The following RAB11FIP5 variants were observed in gnomAD, a reference collection of about 807,000 sequenced individuals.
RAB11FIP5 encodes rab11 family-interacting protein 5.
In RAB11FIP5, 48 loss-of-function variants were observed where a neutral mutation model predicts 85.1. The ratio of observed to expected loss-of-function variants is 0.56; its 90% confidence interval spans 0.45 to 0.72. The LOEUF (loss-of-function observed/expected upper bound fraction) is 0.72. Among genes scored for constraint, RAB11FIP5 ranks in the 30% least tolerant of loss-of-function variants. The pLI is 0.00. For missense variants in RAB11FIP5, 1,491 were observed against 1,687.0 expected (o/e 0.88, Z 2.04); for synonymous variants, 729 against 727.3 (o/e 1.00, Z -0.04).
At position 73,073,410 on chromosome 2, in the gene RAB11FIP5, A is replaced by G. The variant is rs1382130301; in HGVS notation, c.*2111T>C. 1 of 152,690 alleles carries G rather than the reference A, an allele frequency of 6.5e-6. No homozygotes were observed. Among genetic ancestry groups the G allele is most frequent in the East Asian group, 1.9e-4 (1 of 5,200 alleles). 9.5% of individuals were successfully genotyped at this position (152,690 alleles called of 1,614,324 possible). On this transcript the variant is annotated 3_prime_UTR_variant, in exon 6 of 6. Transcript: ENST00000486777. ...AGTACATGAATGTTTTATTCTTCATAAAGTGCTTAAAACATGAAGAACAAG... is the reference window on the plus strand; with the variant it reads ...AGTACATGAATGTTTTATTCTTCATGAAGTGCTTAAAACATGAAGAACAAG...
rs1030617270 is a variant in RAB11FIP5 at position 73,093,892 on chromosome 2, G to A, written c.432-4577C>T. 6.6e-5 allele frequency among the ~76,000 whole-genome samples: 10 copies of A among 152,144 alleles called. No homozygotes were observed. In the East Asian group the frequency reaches 7.7e-4, roughly 12 times the overall value. ...TCCCAGCACTTTGGGAGGCCAAGGC[G>A]GGCAGATCACTTGAGGCCAGGAGTT... On this transcript the variant is annotated intron_variant, in intron 1 of 5. Transcript: ENST00000486777.
At position 73,080,839 on chromosome 2, in the gene RAB11FIP5, C is replaced by T; in HGVS notation, c.2393G>A (p.Trp798Ter). 1.6e-6 allele frequency: 2 copies of T among 1,232,528 alleles called. No individual in the cohort carries two copies. The highest frequency in any genetic ancestry group is 8.2e-5 in the South Asian group (2 of 24,324). 76.3% of individuals were successfully genotyped at this position (1,232,528 alleles called of 1,614,324 possible). Residue 798 changes from tryptophan (W) to a stop codon, truncating the protein, a stop_gained, in exon 4 of 6, where the codon TGG becomes TAG. Coordinates refer to ENST00000486777, the MANE Select transcript of RAB11FIP5 (RefSeq NM_001371272.1). LOFTEE classifies it high-confidence loss of function. The stretch of plus-strand genomic sequence containing the variant: ...GCTCTCTGGGCCCGGCAGCCTCTCC[C>T]ACACACTGATCACTTCTGGGGAGCT... ...LFSSPEVISV[W>*]ERLPGPESAA...
At chr2:73,094,120 CAAAAAAAAA>C (rs550613252) in intron 1 of RAB11FIP5, among the ~76,000 whole-genome samples, 2 of 84,656 alleles carry the variant, frequency 2.4e-5, no homozygotes, top group Non-Finnish European at 5.6e-5. Flanking sequence ...GACTTTGTCT[CAAAAAAAAA>C]AAAAAAAAAA....
rs971457438 is a variant in RAB11FIP5, at chr2:73,093,222, T to C, written c.432-3907A>G. Among the ~76,000 whole-genome samples the C allele has an allele frequency of 4.6e-5, 7 of 152,204 alleles. No individual in the cohort carries two copies. In the South Asian group the frequency reaches 1.0e-3, roughly 22 times the overall value. On this transcript the variant is annotated intron_variant, in intron 1 of 5. Coordinates refer to ENST00000486777, the MANE Select transcript of RAB11FIP5 (RefSeq NM_001371272.1). ...GAGACTGAAGCCCCCACGGGGAATA[T>C]GACAGCAGGGTCCTATGACCTAGTT...
chr2:73,104,087 G>C (rs1298248896), intron 1 of RAB11FIP5, among the ~76,000 whole-genome samples: 1 of 152,168 alleles, frequency 6.6e-6, no homozygotes, highest in African/African-American at 2.4e-5. Context: ...TTGCATTTGG[G>C]AACAAGGAGG....
rs573268788 is a variant in RAB11FIP5, at chr2:73,112,122, C to T, written c.431+225G>A. On this transcript the variant is annotated intron_variant, in intron 1 of 5. Transcript: ENST00000486777. ...TAACGTTCGCCACCACTTAAACCTC[C>T]CCCAGGCCTCCCAGGGACCACCAGT... Among the ~76,000 whole-genome samples, 6 of 152,330 alleles carry T rather than the reference C, an allele frequency of 3.9e-5. No homozygotes were observed. In the East Asian group the frequency reaches 9.7e-4, roughly 25 times the overall value.
At chr2:73,101,049 G>T (rs973376458) in intron 1 of RAB11FIP5, among the ~76,000 whole-genome samples, 3 of 137,412 alleles carry the variant, frequency 2.2e-5, no homozygotes, top group South Asian at 2.7e-4. Flanking sequence ...GGGTGGGGGG[G>T]ATTTGGAATG....
At chr2:73,108,322 C>G (rs1031136701) in intron 1 of RAB11FIP5, among the ~76,000 whole-genome samples, 2 of 152,194 alleles carry the variant, frequency 1.3e-5, no homozygotes, top group African/African-American at 4.8e-5. Flanking sequence ...TCCAACAGGC[C>G]CAGGATGACG....
chr2:73,112,217 C>A, intron 1 of RAB11FIP5, 130 bp downstream of exon 1: 1 of 1,097,098 alleles, frequency 9.1e-7, no homozygotes, highest in East Asian at 3.2e-5. Flanking sequence ...ACCAACGTTT[C>A]TGTCGGTTTA....
chr2:73,112,917 C>T lies in RAB11FIP5; in HGVS notation c.-140G>A. ...GCGGGCTGGGCTGGGCCGGGCCGAC[C>T]GGCCGCCGCCTCCCCGCCTCACCGG... On this transcript the variant is annotated 5_prime_UTR_variant, in exon 1 of 6. Coordinates refer to ENST00000486777, the MANE Select transcript of RAB11FIP5 (RefSeq NM_001371272.1). 1 of 715,762 alleles carries T rather than the reference C, an allele frequency of 1.4e-6. No homozygotes were observed. Among genetic ancestry groups the T allele is most frequent in the Admixed American group, 4.7e-5 (1 of 21,086 alleles). The allele number at this position is 715,762 out of a possible 1,614,324, so 44.3% of individuals were successfully genotyped here. A position where few individuals can be genotyped will look rare whatever the true frequency, so the allele number is the denominator to read the frequency against.
rs765022624 is a variant in RAB11FIP5, at chr2:73,112,740, G to C, written c.38C>G (p.Pro13Arg). 62 of 1,498,230 alleles carry C rather than the reference G, an allele frequency of 4.1e-5. No individual in the cohort carries two copies. The highest frequency in any genetic ancestry group is 1.2e-5 in the Non-Finnish European group (14 of 1,126,644). The allele number at this position is 1,498,230 out of a possible 1,614,324, so 92.8% of individuals were successfully genotyped here. A position where few individuals can be genotyped will look rare whatever the true frequency, so the allele number is the denominator to read the frequency against. ...GACGTGCGTGGGCAGCCAGCGGGAA[G>C]GCCCCGCCGCCGGCTCCGCGCCCCG... ...LVRGAEPAAG[P>R]SRWLPTHVQV... is the part of the protein sequence containing the mutation. Residue 13 changes from proline (P) to arginine (R), a missense_variant, in exon 1 of 6, where the codon CCT (proline) becomes CGT (arginine). Physicochemically the swap from Pro to Arg is moderately radical, Grantham distance 103. Coordinates refer to ENST00000486777, the MANE Select transcript of RAB11FIP5 (RefSeq NM_001371272.1).
intron 1 of RAB11FIP5, among the ~76,000 whole-genome samples, chr2:73,108,558 C>T (rs576513438): frequency 6.3e-4 from 96 of 152,320 alleles, no homozygotes; most frequent in Admixed American, 4.0e-3. Context: ...CTGCTGCTTC[C>T]TTCCTTCCCT....
In RAB11FIP5 at chr2:73,112,871, ACT is replaced by A. The variant is rs1684699005; in HGVS notation, c.-96_-95del. 8.7e-7 allele frequency: 1 copy of A among 1,151,610 alleles called. No homozygotes were observed. Among genetic ancestry groups the A allele is most frequent in the African/African-American group, 1.6e-5 (1 of 60,986 alleles). The allele number at this position is 1,151,610 out of a possible 1,614,324, so 71.3% of individuals were successfully genotyped here. Reference sequence around the variant, plus strand: ...CGCGGCAGAAGGCGGTCAGGAACCAACTCTGAGCGCCGCCGCAGCTGCGGGCT... The same window carrying A: ...CGCGGCAGAAGGCGGTCAGGAACCAACTGAGCGCCGCCGCAGCTGCGGGCT... On this transcript the variant is annotated 5_prime_UTR_variant, in exon 1 of 6. Transcript: ENST00000486777.
At chr2:73,076,887 A>G (rs1683874597) in intron 4 of RAB11FIP5, among the ~76,000 whole-genome samples, 3 of 152,128 alleles carry the variant, frequency 2.0e-5, no homozygotes. Flanking sequence ...CCGGCCCACC[A>G]CAAGTGGACT....
Position 73,088,666 on chromosome 2 carries a change from G to A in RAB11FIP5, c.952C>T (p.Pro318Ser), listed in dbSNP as rs572410946. The A allele has an allele frequency of 2.4e-5, 39 of 1,613,174 alleles. No homozygotes were observed. Among genetic ancestry groups the A allele is most frequent in the South Asian group, 3.3e-5 (3 of 91,078 alleles). Residue 318 changes from proline (P) to serine (S), a missense_variant, in exon 3 of 6, where the codon CCT (proline) becomes TCT (serine). By Grantham distance (74) the Pro-to-Ser change is moderately conservative (BLOSUM62 -1). Around this residue, in one of 3 missense-constraint regions of RAB11FIP5, gnomAD observed 1,211 missense variants for 1,338.0 expected, o/e 0.91. Coordinates refer to ENST00000486777, the MANE Select transcript of RAB11FIP5 (RefSeq NM_001371272.1). ...DEANQMRVAP[P>S]RALLDLQGHL... ...CCCTGAAGGTCCAGAAGGGCCCGAG[G>A]AGGAGCCACTCGCATCTGGTTGGCC...
chr2:73,112,499 C>A lies in RAB11FIP5; in HGVS notation c.279G>T (p.Ala93=). The part of the protein sequence containing the change: ...DGLLRAQEAD[A]GPAPWAASSA... ...AGCTCGCGGCCCAGGGCGCCGGGCC[C>A]GCGTCGGCCTCCTGCGCCCGCAGCA... Residue 93 remains alanine, a synonymous_variant, in exon 1 of 6, where the codon GCG becomes GCT. Transcript: ENST00000486777. The A allele has an allele frequency of 6.7e-7, 1 of 1,493,588 alleles. No individual in the cohort carries two copies. Among genetic ancestry groups the A allele is most frequent in the East Asian group, 2.7e-5 (1 of 36,404 alleles). 92.5% of individuals were successfully genotyped at this position (1,493,588 alleles called of 1,614,324 possible). A position where few individuals can be genotyped will look rare whatever the true frequency, so the allele number is the denominator to read the frequency against.
rs745565948 is a variant in RAB11FIP5 at position 73,112,367 on chromosome 2, T to A, written c.411A>T (p.Ala137=). 6.3e-7 allele frequency: 1 copy of A among 1,594,090 alleles called. No individual in the cohort carries two copies. The highest frequency in any genetic ancestry group is 8.5e-7 in the Non-Finnish European group (1 of 1,175,122). Residue 137 remains alanine, a synonymous_variant, in exon 1 of 6, where the codon GCA becomes GCT. Transcript: ENST00000486777. ...ATVALDEVFG[A]GRAQHTQWYK... ...CTCACTGCGTGTGCTGGGCGCGGCC[T>A]GCGCCGAAGACCTCGTCCAGCGCCA... is the stretch of plus-strand genomic sequence containing the variant.
Position 73,081,801 on chromosome 2 carries a change from G to A in RAB11FIP5, c.1569-138C>T. ...GGCTGGATTTACCTACTTGGGCCAGGGTACAGAGGGAAGACCCCAACATGT... is the reference window on the plus strand; with the variant it reads ...GGCTGGATTTACCTACTTGGGCCAGAGTACAGAGGGAAGACCCCAACATGT... On this transcript the variant is annotated intron_variant, in intron 3 of 5. Transcript: ENST00000486777. This position sits in a 1 kb window ranked among gnomAD's most constrained non-coding sequence, Gnocchi z 4.2. 1.3e-6 allele frequency: 1 copy of A among 759,316 alleles called. No individual in the cohort carries two copies. The highest frequency in any genetic ancestry group is 1.8e-6 in the Non-Finnish European group (1 of 557,258). 47.0% of individuals were successfully genotyped at this position (759,316 alleles called of 1,614,324 possible).
rs949434203 is a variant in RAB11FIP5, at chr2:73,075,977, C to T, written c.3771+16G>A. 7 of 1,603,514 alleles carry T rather than the reference C, an allele frequency of 4.4e-6. No homozygotes were observed. The highest frequency in any genetic ancestry group is 6.0e-6 in the Non-Finnish European group (7 of 1,172,382). On this transcript the variant is annotated intron_variant, in intron 5 of 5. Coordinates refer to ENST00000486777, the MANE Select transcript of RAB11FIP5 (RefSeq NM_001371272.1). The surrounding 1 kb of genome is among the most constrained non-coding windows in gnomAD (Gnocchi z 4.6). ...CACATTCTGTCAGATGGCCCCCACA[C>T]CCTGCTGGGCCTTACCTTCAGCCTT... is the stretch of plus-strand genomic sequence containing the variant.
Sources: allele counts gnomAD v4.1 joint callset (sites outside exome capture counted in the v4.1 genomes callset), GRCh38; gene constraint gnomAD v4.1.1; regional missense constraint gnomAD v4.1.1; non-coding constraint Gnocchi (gnomAD v3.1); transcripts MANE v1.5; gene names NCBI Gene and HGNC (gene_info 2026-07-23, HGNC 2026-07-21).